Variants in PLPPR1 observed in about 807,000 individuals in gnomAD.
PLPPR1 encodes phospholipid phosphatase-related protein type 1.
Under a neutral mutation model 33.1 loss-of-function variants are expected in PLPPR1, and 10 were observed. The ratio of observed to expected loss-of-function variants is 0.30; its 90% CI spans 0.19 to 0.51. The LOEUF is 0.51. PLPPR1 is among the 20% of genes least tolerant of loss of function. PLPPR1 has a pLI of 0.97. For synonymous variants in PLPPR1, 151 were observed against 151.0 expected (o/e 1.00, Z 0.00); for missense variants, 304 against 408.1 (o/e 0.74, Z 2.20).
chr9:101,257,274 T>C (rs1029929645), intron 2 of PLPPR1, among the ~76,000 whole-genome samples: 2 of 152,182 alleles, frequency 1.3e-5, no homozygotes, highest in Non-Finnish European at 2.9e-5. Flanking sequence ...CTATCTTGTA[T>C]ATTGGAGAAC....
intron 2 of PLPPR1, among the ~76,000 whole-genome samples, chr9:101,205,132 T>A (rs1193869124): frequency 2.6e-5 from 4 of 152,144 alleles, no homozygotes; most frequent in African/African-American, 9.7e-5. Flanking sequence ...ATGCTTTTAT[T>A]TCTTTTGGCA....
chr9:101,292,809 A>G (rs1319059677), intron 4 of PLPPR1, among the ~76,000 whole-genome samples: 1 of 151,930 alleles, frequency 6.6e-6, no homozygotes, highest in Non-Finnish European at 1.5e-5. Context: ...AGGAAGCACT[A>G]AACATGGAAA....
At chr9:101,292,866 A>C (rs1220414793) in intron 4 of PLPPR1, among the ~76,000 whole-genome samples, 2 of 151,990 alleles carry the variant, frequency 1.3e-5, no homozygotes, top group African/African-American at 4.8e-5. Context: ...AATTGTAAAG[A>C]CCATCGAGGC....
chr9:101,146,236 A>G (rs182821901), intron 1 of PLPPR1, among the ~76,000 whole-genome samples: 41 of 152,300 alleles, frequency 2.7e-4, no homozygotes, highest in Non-Finnish European at 4.0e-4. Context: ...CTGGCACATA[A>G]CAGATGCTCA....
intron 1 of PLPPR1, among the ~76,000 whole-genome samples, chr9:101,155,789 G>A (rs567831877): frequency 9.9e-5 from 15 of 152,048 alleles, no homozygotes; most frequent in African/African-American, 2.7e-4. Flanking sequence ...TAGTAGAGAT[G>A]GGGTTTCTCC....
chr9:101,245,231 T>C (rs1203610251), intron 2 of PLPPR1, among the ~76,000 whole-genome samples: 1 of 151,960 alleles, frequency 6.6e-6, no homozygotes, highest in African/African-American at 2.4e-5. Flanking sequence ...TTCATAGCAA[T>C]TTTACCTTAT....
chr9:101,163,347 C>A (rs904305205), intron 1 of PLPPR1, among the ~76,000 whole-genome samples: 27 of 152,118 alleles, frequency 1.8e-4, no homozygotes, highest in African/African-American at 6.5e-4. Flanking sequence ...TTGGCATGTG[C>A]TAAACAGTAC....
chr9:101,088,360 A>G (rs1343542145), intron 1 of PLPPR1, among the ~76,000 whole-genome samples: 1 of 152,188 alleles, frequency 6.6e-6, no homozygotes, highest in Non-Finnish European at 1.5e-5. Flanking sequence ...GTCATGATGT[A>G]CACCTTAAAT....
chr9:101,190,071 C>T (rs1482074197), intron 2 of PLPPR1, among the ~76,000 whole-genome samples: 1 of 152,034 alleles, frequency 6.6e-6, no homozygotes, highest in Non-Finnish European at 1.5e-5. Context: ...ATGTTTGTTG[C>T]CCTTGGGTTT....
At chr9:101,127,374 CA>C (rs1046929410) in intron 1 of PLPPR1, among the ~76,000 whole-genome samples, 95 of 152,284 alleles carry the variant, frequency 6.2e-4, no homozygotes, top group African/African-American at 2.3e-3. Flanking sequence ...AAAGTGGGAC[CA>C]GGGGGCCATT....
At chr9:101,272,049 A>AGC (rs56302475) in intron 3 of PLPPR1, among the ~76,000 whole-genome samples, 24 of 151,890 alleles carry the variant, frequency 1.6e-4, no homozygotes, top group Non-Finnish European at 7.4e-5. Flanking sequence ...TATACTTAAA[A>AGC]ATGAAAATAT....
At chr9:101,216,663 A>G (rs557526188) in intron 2 of PLPPR1, among the ~76,000 whole-genome samples, 10 of 152,372 alleles carry the variant, frequency 6.6e-5, no homozygotes, top group African/African-American at 2.4e-4. Flanking sequence ...TAAGGTACTT[A>G]CATCAGTAAA....
chr9:101,303,653 G>A (rs1321266365), intron 4 of PLPPR1, among the ~76,000 whole-genome samples: 1 of 152,086 alleles, frequency 6.6e-6, no homozygotes, highest in Non-Finnish European at 1.5e-5. Flanking sequence ...AGGGAGGGGT[G>A]GTAAAAGCTG....
chr9:101,177,087 G>C lies in PLPPR1; in HGVS notation c.-45-8363G>C, dbSNP rs1288674953. Among the ~76,000 whole-genome samples, 4 of 152,218 alleles carry C rather than the reference G, an allele frequency of 2.6e-5. No individual in the cohort carries two copies. The East Asian group carries it at 7.7e-4, about 29-fold the overall frequency. On this transcript the variant is annotated intron_variant, in intron 1 of 7. Coordinates refer to ENST00000374874, the MANE Select transcript of PLPPR1 (RefSeq NM_207299.2). ...CAGCTTTGTTCTTTTGCTCAAGATT[G>C]CTTTGGCGATTTGGGTCCTTTTTCC...
intron 1 of PLPPR1, among the ~76,000 whole-genome samples, chr9:101,081,602 G>T (rs1830621043): frequency 6.6e-6 from 1 of 152,128 alleles, no homozygotes; most frequent in Non-Finnish European, 1.5e-5. Flanking sequence ...ATGAATTATG[G>T]CATCTCTATC....
At chr9:101,037,359 A>AG (rs1211887801) in intron 1 of PLPPR1, among the ~76,000 whole-genome samples, 4 of 152,230 alleles carry the variant, frequency 2.6e-5, no homozygotes, top group African/African-American at 9.6e-5. Flanking sequence ...TTACAGACAC[A>AG]GGGTGAAGAA....
At chr9:101,237,979 C>CTATA (rs367867610) in intron 2 of PLPPR1, among the ~76,000 whole-genome samples, 2,969 of 79,348 alleles carry the variant, frequency 0.037, 212 homozygotes, top group African/African-American at 0.14. Flanking sequence ...GCTATATAGC[C>CTATA]TATATATATA....
At chr9:101,089,267 T>C (rs868750905) in intron 1 of PLPPR1, among the ~76,000 whole-genome samples, 2 of 151,298 alleles carry the variant, frequency 1.3e-5, no homozygotes, top group South Asian at 2.1e-4. Context: ...CAGGAATACA[T>C]AGTAAGTAAT....
At chr9:101,174,364 C>G (rs1161600975) in intron 1 of PLPPR1, among the ~76,000 whole-genome samples, 4 of 152,166 alleles carry the variant, frequency 2.6e-5, no homozygotes, top group African/African-American at 7.2e-5. Context: ...AACTTATCCT[C>G]TATACAAAGA....
Sources: gnomAD v4.1 joint callset for allele counts (sites outside exome capture counted in the v4.1 genomes callset) on GRCh38, gnomAD v4.1.1 for gene constraint, MANE v1.5 for transcripts, NCBI Gene and HGNC (gene_info 2026-07-23, HGNC 2026-07-21) for gene names.